Variants in RBFOX1 observed in about 807,000 individuals in gnomAD.
RBFOX1 encodes the protein RNA binding protein fox-1 homolog 1.
A neutral mutation model predicts 57.7 loss-of-function variants in RBFOX1; 8 were observed. That is an observed-to-expected ratio of 0.14 (90% CI 0.08 to 0.25). The LOEUF (loss-of-function observed/expected upper bound fraction) is 0.25. Ranked by LOEUF, RBFOX1 falls within the 10% of genes least tolerant of loss-of-function variation. The pLI, the probability that RBFOX1 is intolerant of heterozygous loss-of-function variation, is 1.00. For missense variants in RBFOX1, 611 were observed against 548.5 expected (o/e 1.11, Z -1.14); for synonymous variants, 326 against 222.4 (o/e 1.47, Z -4.15).
chr16:6,765,864 G>A (rs1239409850), intron 3 of RBFOX1, among the ~76,000 whole-genome samples: 1 of 152,170 alleles, frequency 6.6e-6, no homozygotes, highest in African/African-American at 2.4e-5. Flanking sequence ...TTTCTTCTAA[G>A]TGAAGTAACT....
intron 4 of RBFOX1, among the ~76,000 whole-genome samples, chr16:7,388,442 A>G (rs1346248080): frequency 6.6e-6 from 1 of 152,086 alleles, no homozygotes; most frequent in East Asian, 1.9e-4. Flanking sequence ...GGGCTTTGGG[A>G]TACAACAAAT....
rs117949509 is a variant in RBFOX1, at chr16:6,232,959, A to T, written c.-126-84036A>T. On this transcript the variant is annotated intron_variant, in intron 1 of 15. Coordinates refer to ENST00000550418, the MANE Select transcript of RBFOX1 (RefSeq NM_018723.4). The stretch of plus-strand genomic sequence containing the variant: ...AGGGAATCAGGGTTTGAGAACTCTC[A>T]ATATGGGCAGGGTAGCCGTACTGTG... 4.9e-4 allele frequency among the ~76,000 whole-genome samples: 74 copies of T among 152,272 alleles called. No homozygotes were observed. The East Asian group carries it at 8.3e-3, about 17-fold the overall frequency.
intron 4 of RBFOX1, among the ~76,000 whole-genome samples, chr16:7,516,697 C>T (rs1049972724): frequency 1.3e-5 from 2 of 152,174 alleles, no homozygotes; most frequent in Non-Finnish European, 2.9e-5. Flanking sequence ...GAGGGAAGAG[C>T]CTGATGGGAA....
intron 4 of RBFOX1, among the ~76,000 whole-genome samples, chr16:5,892,603 A>G (rs1398619351): frequency 6.6e-6 from 1 of 152,172 alleles, no homozygotes; most frequent in African/African-American, 2.4e-5. Flanking sequence ...TTTTTTGTGA[A>G]ACAGTGAATG....
intron 1 of RBFOX1, among the ~76,000 whole-genome samples, chr16:5,243,831 G>A (rs1222022600): frequency 6.6e-6 from 1 of 152,196 alleles, no homozygotes; most frequent in Non-Finnish European, 1.5e-5. Context: ...ACTTTCATAG[G>A]AAGGTTATAT....
rs183794314 is a variant in RBFOX1, at chr16:7,162,420, G to T, written c.27+110322G>T. Among the ~76,000 whole-genome samples, 40 of 151,958 alleles carry T rather than the reference G, an allele frequency of 2.6e-4. 1 individual carries two copies. In the East Asian group the frequency reaches 7.2e-3, roughly 27 times the overall value. On this transcript the variant is annotated intron_variant, in intron 4 of 15. Transcript: ENST00000550418. ...AATTTTATGATGCTCCATTGTGCAG[G>T]TTCTAAAAATGATAAAAGAATCTAG...
At chr16:6,401,176 G>A (rs1475565120) in intron 2 of RBFOX1, among the ~76,000 whole-genome samples, 2 of 152,098 alleles carry the variant, frequency 1.3e-5, no homozygotes, top group Non-Finnish European at 2.9e-5. Context: ...AGAAAGTCAG[G>A]AATATCAAAG....
chr16:6,606,560 C>T (rs2097929852), intron 2 of RBFOX1, among the ~76,000 whole-genome samples: 1 of 152,120 alleles, frequency 6.6e-6, no homozygotes. Context: ...AGTTCCCCTC[C>T]CTGTGTCCAT....
In RBFOX1 at chr16:5,782,232, C is replaced by G. The variant is rs534200250; in HGVS notation, c.319-85071C>G. Reference sequence around the variant, plus strand: ...GCACAGAAACACATTTCTTACAGTTCTAGAGGCTGGGAAGTCCAAGATCAG... The same window carrying G: ...GCACAGAAACACATTTCTTACAGTTGTAGAGGCTGGGAAGTCCAAGATCAG... On this transcript the variant is annotated intron_variant, in intron 3 of 19. Coordinates refer to the RBFOX1 transcript ENST00000641259. Among the ~76,000 whole-genome samples, 4 of 152,300 alleles carry G rather than the reference C, an allele frequency of 2.6e-5. No individual in the cohort carries two copies. In the South Asian group the frequency reaches 8.3e-4, roughly 32 times the overall value.
chr16:5,823,511 G>A (rs2055928739), intron 3 of RBFOX1, among the ~76,000 whole-genome samples: 1 of 152,006 alleles, frequency 6.6e-6, no homozygotes, highest in South Asian at 2.1e-4. Flanking sequence ...CCCAGGCCAC[G>A]GACTGCTACC....
At chr16:7,402,039 A>T (rs1375079238) in intron 4 of RBFOX1, among the ~76,000 whole-genome samples, 1 of 152,068 alleles carries the variant, frequency 6.6e-6, no homozygotes, top group Non-Finnish European at 1.5e-5. Flanking sequence ...TTCATTTTTA[A>T]TGTATATTTT....
chr16:7,422,398 C>A (rs561493046), intron 4 of RBFOX1, among the ~76,000 whole-genome samples: 8 of 152,246 alleles, frequency 5.3e-5, no homozygotes, highest in African/African-American at 1.9e-4. Context: ...TAATGTCCGA[C>A]AGGCAAGGGA....
intron 4 of RBFOX1, among the ~76,000 whole-genome samples, chr16:5,957,140 A>G (rs376994629): frequency 6.6e-6 from 1 of 152,174 alleles, no homozygotes; most frequent in Non-Finnish European, 1.5e-5. Context: ...TGTTGGACCA[A>G]ATGTCTACCT....
chr16:5,756,411 T>C (rs114554207), intron 3 of RBFOX1, among the ~76,000 whole-genome samples: 7,911 of 152,052 alleles, frequency 0.052, 692 homozygotes, highest in African/African-American at 0.18. Flanking sequence ...CCGTTTTTCT[T>C]CTTGCTTAGA....
intron 5 of RBFOX1, among the ~76,000 whole-genome samples, chr16:7,573,010 G>A (rs933126129): frequency 3.3e-5 from 5 of 152,054 alleles, no homozygotes; most frequent in African/African-American, 4.8e-5. Flanking sequence ...CAAAATCACA[G>A]AATAAAATAA....
chr16:7,094,792 TGAGA>T (rs5815368), intron 4 of RBFOX1, among the ~76,000 whole-genome samples: 29,157 of 120,876 alleles, frequency 0.24, 3,738 homozygotes, highest in Non-Finnish European at 0.32. Context: ...GTGTGTGTGT[TGAGA>T]GAGAGAGAGA....
intron 4 of RBFOX1, among the ~76,000 whole-genome samples, chr16:5,950,397 CTTGAG>C (rs1195302070): frequency 6.6e-6 from 1 of 152,182 alleles, no homozygotes; most frequent in Non-Finnish European, 1.5e-5. Flanking sequence ...ATGATACTTA[CTTGAG>C]TTAATTGTCA....
At chr16:7,194,899 G>A (rs1306495684) in intron 4 of RBFOX1, among the ~76,000 whole-genome samples, 1 of 144,178 alleles carries the variant, frequency 6.9e-6, no homozygotes, top group African/African-American at 2.6e-5. Context: ...CTGCACTCCA[G>A]CTTGGGCTAC....
intron 4 of RBFOX1, among the ~76,000 whole-genome samples, chr16:7,335,237 C>G (rs2096764377): frequency 6.6e-6 from 1 of 152,222 alleles, no homozygotes; most frequent in African/African-American, 2.4e-5. Flanking sequence ...CACTTGCTCA[C>G]TAGTTTCTTG....
Sources: gnomAD v4.1 joint callset for allele counts (sites outside exome capture counted in the v4.1 genomes callset) on GRCh38, gnomAD v4.1.1 for gene constraint, MANE v1.5 for transcripts, NCBI Gene and HGNC (gene_info 2026-07-23, HGNC 2026-07-21) for gene names.